SETD9: variants seen among roughly 807,000 people sequenced by gnomAD.
SETD9 encodes SET domain-containing protein 9.
In SETD9, 37 loss-of-function variants were observed where a neutral mutation model predicts 36.4. The ratio of observed to expected loss-of-function variants is 1.02; its 90% CI spans 0.78 to 1.34. SETD9 has a LOEUF of 1.34. SETD9 is among the 40% of genes most tolerant of loss of function. SETD9 has a pLI of 0.00. For synonymous variants in SETD9, 128 were observed against 132.9 expected (o/e 0.96, Z 0.26); for missense variants, 323 against 353.2 (o/e 0.91, Z 0.69).
chr5:56,923,716 G>A, intron 5 of SETD9: 3 of 1,614,244 alleles, frequency 1.9e-6, no homozygotes, highest in East Asian at 4.5e-5. Flanking sequence ...CAGTGAAGGA[G>A]TTGAGAATGT....
At chr5:56,921,058 T>G (rs1749649124), downstream of SETD9, 1 of 152,570 alleles carries the variant, frequency 6.6e-6, no homozygotes, top group Non-Finnish European at 1.5e-5. Flanking sequence ...ACTGTTTCCA[T>G]CTTATATCAA....
At position 56,911,298 on chromosome 5, in the gene SETD9, T is replaced by C. The variant is rs1477806546; in HGVS notation, c.228T>C (p.Ser76=). Residue 76 remains serine, a synonymous_variant, in exon 2 of 6, where the codon TCT becomes TCC. Transcript: ENST00000285947. The part of the protein sequence containing the change: ...NDFNKQSEIL[S]MLPESVKSKY... ...TCAATAAACAATCAGAAATCTTGTC[T>C]ATGCTTCCAGAATCTGTTAAATCAA... is the stretch of plus-strand genomic sequence containing the variant. The C allele has an allele frequency of 1.9e-6, 3 of 1,611,920 alleles. No homozygotes were observed. Among genetic ancestry groups the C allele is most frequent in the Middle Eastern group, 1.7e-4 (1 of 6,040 alleles).
At chr5:56,912,879 A>C in intron 2 of SETD9, 132 bp from the exon 3 acceptor site, 1 of 866,806 alleles carries the variant, frequency 1.2e-6, no homozygotes, top group Non-Finnish European at 1.8e-6. Flanking sequence ...TCCATCTGCT[A>C]TTGGGCGTTC....
downstream of SETD9, among the ~76,000 whole-genome samples, chr5:56,917,740 C>A (rs984946558): frequency 2.0e-5 from 3 of 152,230 alleles, no homozygotes; most frequent in African/African-American, 7.2e-5. Context: ...CAGCCAGTGA[C>A]AGAGTGAGTC....
chr5:56,925,470 G>A (rs532609271), exon 6 of SETD9: 77 of 294,622 alleles, frequency 2.6e-4, no homozygotes, highest in African/African-American at 1.1e-3. Context: ...CAGCAATGAC[G>A]ATTGAAATTT....
At chr5:56,919,125 TC>T (rs1380232310), downstream of SETD9, among the ~76,000 whole-genome samples, 175 of 79,556 alleles carry the variant, frequency 2.2e-3, 2 homozygotes, top group Middle Eastern at 0.021. Flanking sequence ...CTTTGGGACT[TC>T]TTTTTTTTTT....
At chr5:56,928,696 A>G (rs1053879558), downstream of SETD9, 40 of 1,075,536 alleles carry the variant, frequency 3.7e-5, no homozygotes, top group African/African-American at 4.8e-4. Flanking sequence ...TTCCTACTTA[A>G]GTGACTTATA....
At chr5:56,926,578 T>G (rs1022545875), downstream of SETD9, among the ~76,000 whole-genome samples, 1 of 152,118 alleles carries the variant, frequency 6.6e-6, no homozygotes, top group Admixed American at 6.5e-5. Flanking sequence ...TCCAAAACAC[T>G]GACACCACGA....
chr5:56,924,059 AT>A, intron 5 of SETD9: 1 of 1,588,288 alleles, frequency 6.3e-7, no homozygotes, highest in Non-Finnish European at 8.5e-7. Flanking sequence ...AAAAAGTTGA[AT>A]TTTTAAAAAA....
At chr5:56,927,332 T>C (rs1313724302), downstream of SETD9, among the ~76,000 whole-genome samples, 1 of 152,048 alleles carries the variant, frequency 6.6e-6, no homozygotes, top group African/African-American at 2.4e-5. Context: ...ATAATAACTA[T>C]AGGAGTGGAA....
downstream of SETD9, among the ~76,000 whole-genome samples, chr5:56,919,403 G>A (rs1410315585): frequency 6.6e-6 from 1 of 151,800 alleles, no homozygotes; most frequent in Non-Finnish European, 1.5e-5. Flanking sequence ...GGATTACAGG[G>A]GGACTTTTAT....
At chr5:56,912,740 C>G in intron 2 of SETD9, among the ~76,000 whole-genome samples, 1 of 151,982 alleles carries the variant, frequency 6.6e-6, no homozygotes, top group East Asian at 1.9e-4. Context: ...TATATATACA[C>G]ATATACATAT....
intron 5 of SETD9, chr5:56,922,363 G>A (rs1475489507): frequency 6.6e-6 from 1 of 152,504 alleles, no homozygotes; most frequent in Non-Finnish European, 1.5e-5. Context: ...GCCAATAAAT[G>A]AAGTTACACA....
At chr5:56,928,711 A>T, downstream of SETD9, 1 of 1,213,810 alleles carries the variant, frequency 8.2e-7, no homozygotes, top group Non-Finnish European at 1.2e-6. Context: ...CTTATAAATT[A>T]GTTGCTTACA....
chr5:56,925,384 T>G (rs1187616389), exon 6 of SETD9: 1 of 451,756 alleles, frequency 2.2e-6, no homozygotes, highest in Non-Finnish European at 4.4e-6. Flanking sequence ...AAAAATCGCC[T>G]GTAACTAATA....
chr5:56,914,020 G>T, intron 4 of SETD9, 31 bp downstream of exon 4: 1 of 1,486,784 alleles, frequency 6.7e-7, no homozygotes, highest in Non-Finnish European at 9.4e-7. Flanking sequence ...TGTGAGATGA[G>T]ATATATCAAT....
chr5:56,923,860 T>C, intron 5 of SETD9: 2 of 1,614,088 alleles, frequency 1.2e-6, no homozygotes, highest in Non-Finnish European at 1.7e-6. Context: ...AGTAATTTTA[T>C]GACTATATAT....
intron 1 of SETD9, 79 bp downstream of exon 1, chr5:56,909,822 G>C (rs1273939867): frequency 1.1e-5 from 15 of 1,332,298 alleles, no homozygotes; most frequent in Non-Finnish European, 1.4e-5. Flanking sequence ...ACGCAAAGCG[G>C]AGAGCCTGAG....
Position 56,913,068 on chromosome 5 carries a change from T to C in SETD9, c.524T>C (p.Ile175Thr). 6.2e-7 allele frequency: 1 copy of C among 1,614,060 alleles called. No individual in the cohort carries two copies. The highest frequency in any genetic ancestry group is 8.5e-7 in the Non-Finnish European group (1 of 1,179,938). ...TTCCAGTCCATTGGAAATCCGTTTATTTTTAGATGCCTGGATGGGGTACTC... is the reference window on the plus strand; with the variant it reads ...TTCCAGTCCATTGGAAATCCGTTTACTTTTAGATGCCTGGATGGGGTACTC... ...IFFQSIGNPFIFRCLDGVLID... is the reference protein window; with the variant it reads ...IFFQSIGNPFTFRCLDGVLID... Residue 175 changes from isoleucine to threonine, a missense_variant, in exon 3 of 6, where the codon ATT becomes ACT. Transcript: ENST00000285947.
Sources: allele counts gnomAD v4.1 joint callset (sites outside exome capture counted in the v4.1 genomes callset), GRCh38; gene constraint gnomAD v4.1.1; transcripts MANE v1.5; gene names NCBI Gene and HGNC (gene_info 2026-07-23, HGNC 2026-07-21).